The following PDZRN4 variants were observed in gnomAD, a reference collection of about 807,000 sequenced individuals.
The protein encoded by PDZRN4 is PDZ domain-containing RING finger protein 4.
Under a neutral mutation model 99.0 loss-of-function variants are expected in PDZRN4, and 70 were observed. The ratio of observed to expected loss-of-function variants is 0.71; its 90% CI spans 0.58 to 0.86. The LOEUF is 0.86. PDZRN4 is among the 40% of genes least tolerant of loss of function. The pLI is 0.00. For synonymous variants in PDZRN4, 551 were observed against 501.6 expected (o/e 1.10, Z -1.32); for missense variants, 1,474 against 1,331.2 (o/e 1.11, Z -1.67).
chr12:41,204,671 A>G (rs1461095), intron 3 of PDZRN4, among the ~76,000 whole-genome samples: 145,349 of 152,082 alleles, frequency 0.96, 69,525 homozygotes, highest in Middle Eastern at 0.98. Context: ...ACTATCACGA[A>G]AAAGCATGGG....
At chr12:41,530,482 A>G (rs1938641900) in intron 5 of PDZRN4, among the ~76,000 whole-genome samples, 1 of 152,182 alleles carries the variant, frequency 6.6e-6, no homozygotes, top group South Asian at 2.1e-4. Flanking sequence ...TCACTGCTAT[A>G]TGGGATTAAC....
At chr12:41,236,767 T>C (rs1219997914) in intron 3 of PDZRN4, among the ~76,000 whole-genome samples, 1 of 152,132 alleles carries the variant, frequency 6.6e-6, no homozygotes, top group Admixed American at 6.6e-5. Flanking sequence ...CTTCCCACTT[T>C]ATTAGCTCAC....
chr12:41,536,968 T>A (rs1938759557), intron 5 of PDZRN4, among the ~76,000 whole-genome samples: 1 of 152,138 alleles, frequency 6.6e-6, no homozygotes, highest in South Asian at 2.1e-4. Flanking sequence ...TGTTTTTGAG[T>A]CATACTCCTT....
chr12:41,475,306 T>G (rs1214730162), intron 3 of PDZRN4, among the ~76,000 whole-genome samples: 1 of 152,194 alleles, frequency 6.6e-6, no homozygotes. Flanking sequence ...TTCTGGAGAT[T>G]ATGGTCTCAG....
At chr12:41,425,763 T>C (rs1010814314) in intron 3 of PDZRN4, among the ~76,000 whole-genome samples, 8 of 152,180 alleles carry the variant, frequency 5.3e-5, no homozygotes, top group African/African-American at 1.9e-4. Flanking sequence ...TCAATAGCAA[T>C]TGCGGATTTT....
At chr12:41,304,321 C>A (rs1951555869) in intron 3 of PDZRN4, among the ~76,000 whole-genome samples, 1 of 152,104 alleles carries the variant, frequency 6.6e-6, no homozygotes, top group African/African-American at 2.4e-5. Context: ...TGAATTAATC[C>A]ATTTCTTCCT....
intron 3 of PDZRN4, among the ~76,000 whole-genome samples, chr12:41,461,085 G>A (rs1278651279): frequency 1.3e-5 from 2 of 152,176 alleles, no homozygotes; most frequent in Non-Finnish European, 2.9e-5. Flanking sequence ...TTGGGCTTTA[G>A]AGAGACTTGA....
At chr12:41,360,216 T>C (rs575586455) in intron 3 of PDZRN4, among the ~76,000 whole-genome samples, 1 of 152,186 alleles carries the variant, frequency 6.6e-6, no homozygotes, top group East Asian at 1.9e-4. Flanking sequence ...ATTATGTTCA[T>C]AGAGCTGAAC....
At chr12:41,450,538 A>G (rs1444425898) in intron 3 of PDZRN4, among the ~76,000 whole-genome samples, 2 of 152,200 alleles carry the variant, frequency 1.3e-5, no homozygotes, top group Admixed American at 6.5e-5. Flanking sequence ...AGGAGGAAAG[A>G]TATCTTTACT....
At chr12:41,464,038 C>T (rs143342363) in intron 3 of PDZRN4, among the ~76,000 whole-genome samples, 89 of 152,140 alleles carry the variant, frequency 5.8e-4, no homozygotes, top group East Asian at 5.6e-3. Context: ...GAGTCTATTG[C>T]GAAGGTTGGA....
intron 3 of PDZRN4, among the ~76,000 whole-genome samples, chr12:41,248,041 A>G (rs946249147): frequency 2.6e-5 from 4 of 152,218 alleles, no homozygotes; most frequent in South Asian, 2.1e-4. Context: ...GCAGGCTGCA[A>G]TGAACTGAAA....
At chr12:41,379,332 G>T (rs547339590) in intron 3 of PDZRN4, among the ~76,000 whole-genome samples, 1 of 137,038 alleles carries the variant, frequency 7.3e-6, no homozygotes, top group Admixed American at 7.2e-5. Context: ...TCATTTTGTT[G>T]ACCTTTTCAA....
At chr12:41,527,315 A>G (rs1002184299) in intron 5 of PDZRN4, among the ~76,000 whole-genome samples, 1 of 152,220 alleles carries the variant, frequency 6.6e-6, no homozygotes, top group Non-Finnish European at 1.5e-5. Flanking sequence ...CATGGGCAGG[A>G]CCATATAAGG....
intron 3 of PDZRN4, among the ~76,000 whole-genome samples, chr12:41,361,763 G>A (rs1951964997): frequency 6.6e-6 from 1 of 152,026 alleles, no homozygotes; most frequent in African/African-American, 2.4e-5. Context: ...TGCACAGGAA[G>A]GGATCTGCAC....
intron 3 of PDZRN4, among the ~76,000 whole-genome samples, chr12:41,470,916 A>G (rs1472143262): frequency 1.3e-5 from 2 of 152,228 alleles, no homozygotes; most frequent in Admixed American, 1.3e-4. Context: ...AGAACTAGCC[A>G]TAGCAGCCAT....
At chr12:41,352,195 T>A (rs1448848573) in intron 3 of PDZRN4, among the ~76,000 whole-genome samples, 1 of 151,978 alleles carries the variant, frequency 6.6e-6, no homozygotes, top group African/African-American at 2.4e-5. Context: ...ATTAACAGAT[T>A]AAATGGAGTG....
chr12:41,312,530 G>A (rs1222455772), intron 3 of PDZRN4, among the ~76,000 whole-genome samples: 1 of 152,192 alleles, frequency 6.6e-6, no homozygotes, highest in African/African-American at 2.4e-5. Context: ...ATAAAGGAAA[G>A]AGGTTTAATG....
intron 3 of PDZRN4, among the ~76,000 whole-genome samples, chr12:41,408,471 ACAT>A (rs1952365412): frequency 6.6e-6 from 1 of 152,186 alleles, no homozygotes; most frequent in African/African-American, 2.4e-5. Flanking sequence ...GCTGATTAAA[ACAT>A]CATCATTTTC....
At chr12:41,536,831 C>T (rs568427708) in intron 5 of PDZRN4, among the ~76,000 whole-genome samples, 6 of 149,534 alleles carry the variant, frequency 4.0e-5, no homozygotes, top group Middle Eastern at 3.6e-3. Flanking sequence ...GTTTTGTCCT[C>T]TTAGTATTTA....
Sources: allele counts gnomAD v4.1 joint callset (sites outside exome capture counted in the v4.1 genomes callset), GRCh38; gene constraint gnomAD v4.1.1; transcripts MANE v1.5; gene names NCBI Gene and HGNC (gene_info 2026-07-23, HGNC 2026-07-21).